Variants in MMS22L observed in about 807,000 individuals in gnomAD.
The protein encoded by MMS22L is MMS22 like, DNA repair protein.
A neutral mutation model predicts 159.1 loss-of-function variants in MMS22L; 74 were observed. The ratio of observed to expected loss-of-function variants is 0.47; its 90% CI spans 0.39 to 0.56. MMS22L has a LOEUF of 0.56. Among genes scored for constraint, MMS22L ranks in the 20% least tolerant of loss-of-function variants. MMS22L has a pLI of 0.00. For missense variants in MMS22L, 1,351 were observed against 1,422.1 expected, an observed-to-expected ratio of 0.95 and a Z score of 0.80; for synonymous variants, 517 against 506.9, an observed-to-expected ratio of 1.02 and a Z score of -0.27.
At chr6:97,178,665 A>T in intron 17 of MMS22L, 80 bp from the exon 18 acceptor site, 12 of 632,942 alleles carry the variant, frequency 1.9e-5, no homozygotes, top group South Asian at 4.0e-5. Flanking sequence ...CATATATATA[A>T]TGTATATATG....
intron 14 of MMS22L, among the ~76,000 whole-genome samples, chr6:97,215,760 A>T (rs2127960630): frequency 6.6e-6 from 1 of 152,304 alleles, no homozygotes; most frequent in Middle Eastern, 3.4e-3. Context: ...GATAAAAAAA[A>T]AAGTCCTGAA....
intron 10 of MMS22L, among the ~76,000 whole-genome samples, chr6:97,247,924 C>T (rs1303650274): frequency 1.3e-5 from 2 of 152,062 alleles, no homozygotes; most frequent in Non-Finnish European, 2.9e-5. Context: ...ATGTAAAATG[C>T]TAAATACAGT....
At chr6:97,216,530 C>A (rs990752322) in intron 14 of MMS22L, among the ~76,000 whole-genome samples, 1 of 152,130 alleles carries the variant, frequency 6.6e-6, no homozygotes, top group African/African-American at 2.4e-5. Flanking sequence ...ACCAAAGTCA[C>A]AATTTTAGGT....
At chr6:97,275,809 A>C (rs748959868) in intron 4 of MMS22L, among the ~76,000 whole-genome samples, 1 of 152,150 alleles carries the variant, frequency 6.6e-6, no homozygotes, top group Non-Finnish European at 1.5e-5. Context: ...GTTTGAGACC[A>C]GTCTTGGCAA....
chr6:97,250,873 A>G (rs1469161594), intron 10 of MMS22L, among the ~76,000 whole-genome samples: 1 of 152,128 alleles, frequency 6.6e-6, no homozygotes, highest in Admixed American at 6.6e-5. Context: ...ACTTCATATC[A>G]TCTCTCACTC....
intron 14 of MMS22L, 45 bp from the exon 15 acceptor site, chr6:97,186,735 A>C: frequency 7.5e-7 from 1 of 1,342,110 alleles, no homozygotes; most frequent in African/African-American, 1.5e-5. Context: ...ATAAATGCTT[A>C]CAAAAATCTT....
intron 9 of MMS22L, among the ~76,000 whole-genome samples, chr6:97,257,668 C>A (rs1447046667): frequency 6.6e-6 from 1 of 152,062 alleles, no homozygotes; most frequent in Non-Finnish European, 1.5e-5. Flanking sequence ...CTCAAGCAAT[C>A]CTCTCACCTA....
intron 3 of MMS22L, among the ~76,000 whole-genome samples, chr6:97,279,127 C>A (rs745867108): frequency 4.6e-5 from 7 of 152,148 alleles, no homozygotes; most frequent in African/African-American, 1.7e-4. Flanking sequence ...TTAAAGACTG[C>A]ATATATCTCA....
intron 13 of MMS22L, 25 bp from the exon 14 acceptor site, chr6:97,229,428 A>C (rs990284800): frequency 6.9e-7 from 1 of 1,451,468 alleles, no homozygotes; most frequent in African/African-American, 1.4e-5. Flanking sequence ...AAAATGCTTT[A>C]ATAAAATTGT....
At chr6:97,249,725 A>ATT (rs66525517) in intron 10 of MMS22L, among the ~76,000 whole-genome samples, 6,397 of 130,360 alleles carry the variant, frequency 0.049, 327 homozygotes, top group African/African-American at 0.13. Context: ...CCAATAACCA[A>ATT]TTTTTTTTTT....
chr6:97,173,439 G>T (rs903575467), intron 18 of MMS22L, among the ~76,000 whole-genome samples: 3 of 151,852 alleles, frequency 2.0e-5, no homozygotes, highest in African/African-American at 7.3e-5. Context: ...GTTAAAGGAA[G>T]AAATCTTAAA....
At chr6:97,156,626 A>T (rs1801877489) in intron 22 of MMS22L, among the ~76,000 whole-genome samples, 1 of 151,994 alleles carries the variant, frequency 6.6e-6, no homozygotes, top group African/African-American at 2.4e-5. Context: ...ATGGTTGTAG[A>T]TGTGTGATGT....
intron 19 of MMS22L, among the ~76,000 whole-genome samples, chr6:97,170,432 A>C (rs1398700175): frequency 6.6e-6 from 1 of 150,778 alleles, no homozygotes; most frequent in African/African-American, 2.5e-5. Flanking sequence ...GAAAGGTTTA[A>C]ATACATACAG....
intron 4 of MMS22L, among the ~76,000 whole-genome samples, chr6:97,273,316 C>G (rs531857154): frequency 6.6e-6 from 1 of 152,320 alleles, no homozygotes; most frequent in South Asian, 2.1e-4. Flanking sequence ...ACTAGCTACA[C>G]CTGGCTTCAT....
In MMS22L at chr6:97,143,306, T is replaced by G. The variant is rs1352584851; in HGVS notation, c.*3500A>C. On this transcript the variant is annotated 3_prime_UTR_variant, in exon 25 of 25. Transcript: ENST00000683635. ...TTCCATGCTGTAAACTGAATGAGGC[T>G]GAGTGTAGGATGAACATGGCAATCA... The G allele has an allele frequency of 6.6e-6, 1 of 152,190 alleles. No individual in the cohort carries two copies. Among genetic ancestry groups the G allele is most frequent in the African/African-American group, 2.4e-5 (1 of 41,454 alleles). The allele number at this position is 152,190 out of a possible 1,614,324, so 9.4% of individuals were successfully genotyped here. A position where few individuals can be genotyped will look rare whatever the true frequency, so the allele number is the denominator to read the frequency against.
At chr6:97,160,557 AT>A (rs148509496) in intron 22 of MMS22L, among the ~76,000 whole-genome samples, 3,564 of 152,086 alleles carry the variant, frequency 0.023, 64 homozygotes, top group Non-Finnish European at 0.037. Context: ...AGCTTTTGGC[AT>A]CTTTACTATA....
At chr6:97,219,685 C>T (rs1809415467) in intron 14 of MMS22L, among the ~76,000 whole-genome samples, 1 of 152,150 alleles carries the variant, frequency 6.6e-6, no homozygotes, top group African/African-American at 2.4e-5. Flanking sequence ...GTGATCTGAA[C>T]TCAGGTTTAC....
intron 23 of MMS22L, 56 bp downstream of exon 23, chr6:97,151,715 T>C: frequency 1.5e-6 from 2 of 1,308,186 alleles, no homozygotes; most frequent in Non-Finnish European, 2.2e-6. Flanking sequence ...AAAAACATGT[T>C]GGCTGTCAAA....
At chr6:97,278,778 T>C in intron 4 of MMS22L, 71 bp downstream of exon 4, 2 of 1,274,880 alleles carry the variant, frequency 1.6e-6, no homozygotes, top group African/African-American at 1.5e-5. Flanking sequence ...AATTATACCA[T>C]CATGGACCCA....
Sources: allele counts gnomAD v4.1 joint callset (sites outside exome capture counted in the v4.1 genomes callset), GRCh38; gene constraint gnomAD v4.1.1; transcripts MANE v1.5; gene names NCBI Gene and HGNC (gene_info 2026-07-23, HGNC 2026-07-21).